Variants in FER observed in about 807,000 individuals in gnomAD.
The protein encoded by FER is tyrosine-protein kinase Fer.
Under a neutral mutation model 111.0 loss-of-function variants are expected in FER, and 63 were observed. The observed-to-expected ratio is 0.57, with a 90% CI of 0.46 to 0.70. The LOEUF (loss-of-function observed/expected upper bound fraction) is 0.70. Among genes scored for constraint, FER ranks in the 30% least tolerant of loss-of-function variants. FER has a pLI of 0.00. For synonymous variants in FER, 327 were observed against 313.9 expected (o/e 1.04, Z -0.44); for missense variants, 914 against 954.0 (o/e 0.96, Z 0.55).
At chr5:108,785,390 G>A in intron 2 of FER, 1 of 587,854 alleles carries the variant, frequency 1.7e-6, no homozygotes, top group Non-Finnish European at 3.4e-6. Context: ...GGACTTAGGG[G>A]TAAATATCAT....
Position 108,846,662 on chromosome 5 carries a change from G to A in FER, c.481+10855G>A, listed in dbSNP as rs181142731. 6.1e-3 allele frequency among the ~76,000 whole-genome samples: 933 copies of A among 151,832 alleles called. 16 individuals are homozygous for A. The highest frequency in any genetic ancestry group is 0.022 in the African/African-American group (899 of 41,396). The stretch of plus-strand genomic sequence containing the variant: ...CAGTGGCGCGATCACGGCCCACTGC[G>A]AGCTCTGCCTCCCGGGTTCACGCCA... On this transcript the variant is annotated intron_variant, in intron 5 of 19. Transcript: ENST00000281092.
chr5:109,103,256 T>C (rs1748473197), intron 17 of FER, among the ~76,000 whole-genome samples: 1 of 152,186 alleles, frequency 6.6e-6, no homozygotes, highest in South Asian at 2.1e-4. Flanking sequence ...TTAAATTTTA[T>C]ATGAATTTAC....
intron 13 of FER, among the ~76,000 whole-genome samples, chr5:108,984,772 AT>A (rs1268137049): frequency 1.1e-4 from 17 of 152,086 alleles, no homozygotes; most frequent in African/African-American, 3.1e-4. Flanking sequence ...TTTTCTCTCA[AT>A]CCGTGGTGGT....
chr5:108,966,534 C>A (rs559753833), intron 13 of FER, among the ~76,000 whole-genome samples: 1 of 151,554 alleles, frequency 6.6e-6, no homozygotes, highest in Admixed American at 6.6e-5. Context: ...ATTACAGGCA[C>A]GTGCCACCAC....
intron 16 of FER, among the ~76,000 whole-genome samples, chr5:109,059,004 TG>T (rs1227915408): frequency 6.6e-6 from 1 of 151,526 alleles, no homozygotes; most frequent in Non-Finnish European, 1.5e-5. Context: ...CCTCCCTAAG[TG>T]GTGGGATTAC....
At chr5:109,039,734 T>G (rs77067434) in intron 14 of FER, among the ~76,000 whole-genome samples, 1,820 of 152,168 alleles carry the variant, frequency 0.012, 30 homozygotes, top group African/African-American at 0.042. Flanking sequence ...GGGAATGTGA[T>G]AGGAGAGGAA....
intron 17 of FER, among the ~76,000 whole-genome samples, chr5:109,108,654 C>T (rs1749237694): frequency 6.6e-6 from 1 of 152,104 alleles, no homozygotes; most frequent in Non-Finnish European, 1.5e-5. Flanking sequence ...ACTTGGCTGA[C>T]CATTGGTTCA....
intron 1 of FER, chr5:108,748,418 C>T (rs955915185): frequency 3.3e-5 from 5 of 152,300 alleles, no homozygotes; most frequent in African/African-American, 9.6e-5. Flanking sequence ...TGCCGACCCG[C>T]CGAGTAGTCC....
At chr5:108,943,370 C>A (rs1756537324) in intron 10 of FER, among the ~76,000 whole-genome samples, 1 of 152,192 alleles carries the variant, frequency 6.6e-6, no homozygotes, top group Non-Finnish European at 1.5e-5. Flanking sequence ...CAGACTCATA[C>A]TCTTTATCCC....
rs981548651 is a variant in FER, at chr5:109,190,724, C to G, written c.*3149C>G. The G allele has an allele frequency of 6.6e-6, 1 of 152,120 alleles. No homozygotes were observed. The highest frequency in any genetic ancestry group is 1.5e-5 in the Non-Finnish European group (1 of 67,992). The allele number at this position is 152,120 out of a possible 1,614,324, so 9.4% of individuals were successfully genotyped here. A position where few individuals can be genotyped will look rare whatever the true frequency, so the allele number is the denominator to read the frequency against. ...CAGTGAGAGGTCTCCAGTGAAAGGTCTCATGTAATTGTTTCTCTTTTATCT... is the reference window on the plus strand; with the variant it reads ...CAGTGAGAGGTCTCCAGTGAAAGGTGTCATGTAATTGTTTCTCTTTTATCT... On this transcript the variant is annotated 3_prime_UTR_variant, in exon 20 of 20. Coordinates refer to ENST00000281092, the MANE Select transcript of FER (RefSeq NM_005246.4).
chr5:108,799,898 G>A lies in FER; in HGVS notation c.207+1509G>A, dbSNP rs995305758. Reference sequence around the variant, plus strand: ...CACTTTCTCGCCCAGGCTGGAGTACGGTGGTGCAATCTTGGCTCACTAAAA... The same window carrying A: ...CACTTTCTCGCCCAGGCTGGAGTACAGTGGTGCAATCTTGGCTCACTAAAA... On this transcript the variant is annotated intron_variant, in intron 3 of 19. Transcript: ENST00000281092. 2.7e-5 allele frequency among the ~76,000 whole-genome samples: 4 copies of A among 148,196 alleles called. No homozygotes were observed. In the East Asian group the frequency reaches 7.9e-4, roughly 29 times the overall value.
rs567416583 is a variant in FER at position 109,152,734 on chromosome 5, A to C, written c.2049-28013A>C. Among the ~76,000 whole-genome samples the C allele has an allele frequency of 7.9e-5, 12 of 152,046 alleles. 1 individual carries two copies. The highest frequency in any genetic ancestry group is 2.9e-4 in the African/African-American group (12 of 41,546). ...TTATGGCTACATTTTCAGTTTTGCT[A>C]TCATGTTCAGGAAAGCAAAGCCCTT... On this transcript the variant is annotated intron_variant, in intron 17 of 19. Transcript: ENST00000281092.
intron 13 of FER, chr5:109,014,686 T>C (rs1390912221): frequency 1.3e-5 from 2 of 152,224 alleles, no homozygotes; most frequent in Non-Finnish European, 2.9e-5. Flanking sequence ...ATGGCCATTT[T>C]CATGATATTG....
At chr5:108,918,698 A>G (rs1752606469) in intron 10 of FER, among the ~76,000 whole-genome samples, 1 of 152,022 alleles carries the variant, frequency 6.6e-6, no homozygotes, top group South Asian at 2.1e-4. Context: ...TGTGTTAGCC[A>G]GGATGGTCTC....
intron 16 of FER, among the ~76,000 whole-genome samples, chr5:109,067,006 T>G (rs1335896107): frequency 6.6e-6 from 1 of 152,110 alleles, no homozygotes; most frequent in African/African-American, 2.4e-5. Context: ...AAAAATAACC[T>G]TGCAAAGGGG....
intron 13 of FER, among the ~76,000 whole-genome samples, chr5:108,991,524 T>C (rs1385895732): frequency 1.3e-5 from 2 of 152,176 alleles, no homozygotes; most frequent in South Asian, 2.1e-4. Flanking sequence ...TCGTATACTT[T>C]GATATTTTAT....
chr5:108,919,073 A>T (rs530310128), intron 10 of FER, among the ~76,000 whole-genome samples: 1 of 152,324 alleles, frequency 6.6e-6, no homozygotes, highest in East Asian at 1.9e-4. Flanking sequence ...TATAACTCCC[A>T]CAAGTTATTG....
At chr5:108,993,038 G>A (rs905895008) in intron 13 of FER, among the ~76,000 whole-genome samples, 6 of 148,630 alleles carry the variant, frequency 4.0e-5, no homozygotes, top group African/African-American at 1.3e-4. Context: ...GGGCAGAGAC[G>A]CTCCTCACTT....
intron 16 of FER, 39 bp downstream of exon 16, chr5:109,047,237 A>G (rs981123583): frequency 3.5e-6 from 4 of 1,154,666 alleles, no homozygotes; most frequent in East Asian, 2.4e-5. Flanking sequence ...TGACATTTTA[A>G]TGTCATGTTT....
Sources: allele counts gnomAD v4.1 joint callset (sites outside exome capture counted in the v4.1 genomes callset), GRCh38; gene constraint gnomAD v4.1.1; transcripts MANE v1.5; gene names NCBI Gene and HGNC (gene_info 2026-07-23, HGNC 2026-07-21).